The following SHOC2 variants were observed in gnomAD, a reference collection of about 807,000 sequenced individuals.
SHOC2 encodes leucine-rich repeat protein SHOC-2.
Under a neutral mutation model 50.2 loss-of-function variants are expected in SHOC2, and 4 were observed. That is an observed-to-expected ratio of 0.08 (90% CI 0.04 to 0.18). The LOEUF is 0.18. Ranked by LOEUF, SHOC2 falls within the 10% of genes least tolerant of loss-of-function variation. The pLI is 1.00. For missense variants in SHOC2, 388 were observed against 669.6 expected, an observed-to-expected ratio of 0.58 and a Z score of 4.64; for synonymous variants, 218 against 244.5, an observed-to-expected ratio of 0.89 and a Z score of 1.01.
intron 1 of SHOC2, among the ~76,000 whole-genome samples, chr10:110,954,280 T>C (rs912142599): frequency 1.3e-4 from 20 of 152,130 alleles, no homozygotes; most frequent in Non-Finnish European, 2.2e-4. Context: ...ATTTTCTGAT[T>C]ATACATTTTT....
Position 110,964,397 on chromosome 10 carries a change from A to G in SHOC2, c.39A>G (p.Glu13=). 1 of 1,613,236 alleles carries G rather than the reference A, an allele frequency of 6.2e-7. No individual in the cohort carries two copies. The highest frequency in any genetic ancestry group is 8.5e-7 in the Non-Finnish European group (1 of 1,179,820). Residue 13 remains glutamate (E), a synonymous_variant, in exon 2 of 9, where the codon GAA becomes GAG. Transcript: ENST00000369452. This position sits in a 1 kb window ranked among gnomAD's most constrained non-coding sequence, Gnocchi z 4.9. ...TAGGAAAAGAAAAAGACTCTAAAGA[A>G]AAAGATCCCAAAGTACCATCAGCCA... ...SSLGKEKDSK[E]KDPKVPSAKE...
At chr10:110,978,072 A>G (rs1011875048) in intron 2 of SHOC2, among the ~76,000 whole-genome samples, 2 of 152,214 alleles carry the variant, frequency 1.3e-5, no homozygotes, top group African/African-American at 2.4e-5. Context: ...TAACTTAGTA[A>G]TAACTATTGG....
At chr10:110,971,542 A>G (rs1414616082) in intron 2 of SHOC2, among the ~76,000 whole-genome samples, 5 of 151,996 alleles carry the variant, frequency 3.3e-5, no homozygotes, top group South Asian at 2.1e-4. Flanking sequence ...AGAGTCTTCT[A>G]TGGTTCCACA....
chr10:110,952,765 A>G lies in SHOC2; in HGVS notation c.-234-11360A>G, dbSNP rs188764186. Among the ~76,000 whole-genome samples the G allele has an allele frequency of 1.1e-4, 17 of 152,044 alleles. 1 individual carries two copies. The highest frequency in any genetic ancestry group is 1.3e-4 in the Admixed American group (2 of 15,268). On this transcript the variant is annotated intron_variant, in intron 1 of 8. Transcript: ENST00000369452. The stretch of plus-strand genomic sequence containing the variant: ...GTGTGTGTTGTTCCCCTCCGTGTCC[A>G]TGGGTTCTCATTGTTCAATTCCCAC...
At chr10:110,997,988 T>G (rs189092827) in intron 3 of SHOC2, among the ~76,000 whole-genome samples, 116 of 148,576 alleles carry the variant, frequency 7.8e-4, no homozygotes, top group African/African-American at 2.8e-3. Flanking sequence ...AGTAACATTT[T>G]TATTATAGTC....
chr10:110,967,236 C>T (rs770705960), intron 2 of SHOC2, among the ~76,000 whole-genome samples: 10 of 152,150 alleles, frequency 6.6e-5, no homozygotes, highest in Admixed American at 1.3e-4. Flanking sequence ...AGGTAATTTA[C>T]TGAAGATCAT....
At chr10:110,944,609 T>C (rs557362392) in intron 1 of SHOC2, among the ~76,000 whole-genome samples, 2 of 152,356 alleles carry the variant, frequency 1.3e-5, no homozygotes. Context: ...AATGTCCAAA[T>C]AGTGGAGACT....
chr10:111,009,110 T>G, intron 6 of SHOC2, 138 bp from the exon 7 acceptor site: 1 of 459,592 alleles, frequency 2.2e-6, no homozygotes, highest in Non-Finnish European at 3.8e-6. Flanking sequence ...AAATATTTTA[T>G]ATGTTATATA....
At chr10:110,935,429 A>G (rs1393993632) in intron 1 of SHOC2, among the ~76,000 whole-genome samples, 1 of 152,216 alleles carries the variant, frequency 6.6e-6, no homozygotes, top group Non-Finnish European at 1.5e-5. Flanking sequence ...AAAAAACTTC[A>G]GTTTATCTAA....
At chr10:110,938,018 C>G (rs1847063308) in intron 1 of SHOC2, among the ~76,000 whole-genome samples, 1 of 152,132 alleles carries the variant, frequency 6.6e-6, no homozygotes, top group Admixed American at 6.5e-5. Context: ...CAAAGTTCTG[C>G]TACTAGAATA....
chr10:110,921,695 C>A (rs1238718627), intron 1 of SHOC2, among the ~76,000 whole-genome samples: 1 of 152,074 alleles, frequency 6.6e-6, no homozygotes, highest in East Asian at 1.9e-4. Context: ...CAATTATACT[C>A]TTAGTTATTT....
chr10:110,958,367 C>A (rs1468761254), intron 1 of SHOC2, among the ~76,000 whole-genome samples: 1 of 152,138 alleles, frequency 6.6e-6, no homozygotes, highest in Non-Finnish European at 1.5e-5. Flanking sequence ...GTGTGCACCA[C>A]CACGCCCAGC....
At chr10:110,947,766 CA>C (rs35892835) in intron 1 of SHOC2, among the ~76,000 whole-genome samples, 7,400 of 104,718 alleles carry the variant, frequency 0.071, 259 homozygotes, top group African/African-American at 0.14. Flanking sequence ...AAATAAGTAC[CA>C]AAAAAAAAAA....
At chr10:110,940,910 G>GGTTTTTTTTTTTTTTT (rs1564705752) in intron 1 of SHOC2, among the ~76,000 whole-genome samples, 4 of 119,502 alleles carry the variant, frequency 3.3e-5, no homozygotes, top group African/African-American at 1.3e-4. Flanking sequence ...TTTGTGGTGG[G>GGTTTTTTTTTTTTTTT]TTTTTTTTTT....
chr10:110,997,855 C>G (rs979968245), intron 3 of SHOC2, among the ~76,000 whole-genome samples: 1 of 151,924 alleles, frequency 6.6e-6, no homozygotes, highest in Admixed American at 6.6e-5. Flanking sequence ...TGTGATGCTT[C>G]CAATTTAAAT....
At chr10:111,002,519 T>A (rs1400254147) in intron 4 of SHOC2, among the ~76,000 whole-genome samples, 6 of 152,212 alleles carry the variant, frequency 3.9e-5, no homozygotes, top group African/African-American at 7.2e-5. Context: ...GAACCACATA[T>A]TCCCAAGGCT....
Position 110,923,202 on chromosome 10 carries a change from G to A in SHOC2, c.-235+3545G>A, listed in dbSNP as rs188237006. Among the ~76,000 whole-genome samples the A allele has an allele frequency of 1.6e-4, 25 of 151,572 alleles. No homozygotes were observed. The South Asian group carries it at 2.7e-3, about 16-fold the overall frequency. On this transcript the variant is annotated intron_variant, in intron 1 of 8. Coordinates refer to ENST00000369452, the MANE Select transcript of SHOC2 (RefSeq NM_007373.4). ...AATATATTAAATTTTTATATTTTCCGACTGTGTAAACTGACTTTTAAAATC... is the reference window on the plus strand; with the variant it reads ...AATATATTAAATTTTTATATTTTCCAACTGTGTAAACTGACTTTTAAAATC...
At chr10:110,936,474 T>G in intron 1 of SHOC2, 1 of 562,032 alleles carries the variant, frequency 1.8e-6, no homozygotes, top group South Asian at 2.2e-5. Context: ...TTTGCGTAGA[T>G]TCTCAAAGGA....
chr10:110,952,270 C>A (rs185712162), intron 1 of SHOC2, among the ~76,000 whole-genome samples: 14 of 152,228 alleles, frequency 9.2e-5, no homozygotes, highest in African/African-American at 2.9e-4. Context: ...CCCGTATATT[C>A]CCTTTTCCAC....
Sources: gnomAD v4.1 joint callset for allele counts (sites outside exome capture counted in the v4.1 genomes callset) on GRCh38, gnomAD v4.1.1 for gene constraint, Gnocchi (gnomAD v3.1) non-coding constraint, MANE v1.5 for transcripts, NCBI Gene and HGNC (gene_info 2026-07-23, HGNC 2026-07-21) for gene names.